PRTG: variants seen among roughly 807,000 people sequenced by gnomAD.
PRTG encodes the protein protogenin.
PRTG carries 67 observed loss-of-function variants against 122.5 expected under a neutral mutation model. That is an observed-to-expected ratio of 0.55 (90% confidence interval 0.45 to 0.67). PRTG has a LOEUF of 0.67. Among genes scored for constraint, PRTG ranks in the 30% least tolerant of loss-of-function variants. The pLI is 0.00. For synonymous variants in PRTG, 554 were observed against 501.1 expected (o/e 1.11, Z -1.41); for missense variants, 1,435 against 1,415.4 (o/e 1.01, Z -0.22).
intron 11 of PRTG, among the ~76,000 whole-genome samples, chr15:55,646,575 T>C (rs1296601921): frequency 6.7e-6 from 1 of 150,074 alleles, no homozygotes; most frequent in Non-Finnish European, 1.5e-5. Context: ...ACCCGCCTCG[T>C]CCTCCCAAAG....
chr15:55,640,480 C>T (rs1241171917), intron 12 of PRTG, among the ~76,000 whole-genome samples: 1 of 152,146 alleles, frequency 6.6e-6, no homozygotes, highest in Admixed American at 6.6e-5. Context: ...GCCAAAGACA[C>T]TGAGAAAACC....
At chr15:55,742,196 C>G (rs1383365876) in intron 1 of PRTG, 3 of 152,404 alleles carry the variant, frequency 2.0e-5, no homozygotes, top group South Asian at 2.1e-4. Flanking sequence ...ACTTTTCCCC[C>G]CTCCTTTCCG....
At chr15:55,734,852 T>C (rs1232406945) in intron 2 of PRTG, among the ~76,000 whole-genome samples, 3 of 152,168 alleles carry the variant, frequency 2.0e-5, no homozygotes, top group African/African-American at 7.2e-5. Context: ...TACATATCCT[T>C]ACAGCAGTTC....
intron 11 of PRTG, among the ~76,000 whole-genome samples, chr15:55,661,670 C>A (rs760578056): frequency 3.3e-5 from 5 of 152,300 alleles, no homozygotes; most frequent in Non-Finnish European, 5.9e-5. Context: ...CTCTTCTCCA[C>A]ATGAACTGCT....
chr15:55,684,773 C>A (rs1341597356), intron 2 of PRTG, among the ~76,000 whole-genome samples: 1 of 152,098 alleles, frequency 6.6e-6, no homozygotes, highest in Non-Finnish European at 1.5e-5. Context: ...AGACATATCA[C>A]TCTATCTGGA....
intron 11 of PRTG, among the ~76,000 whole-genome samples, chr15:55,646,273 A>G (rs559375324): frequency 6.7e-6 from 1 of 149,900 alleles, no homozygotes; most frequent in South Asian, 2.1e-4. Flanking sequence ...TGGCCTCCCA[A>G]AGTGCCCGGA....
intron 15 of PRTG, among the ~76,000 whole-genome samples, chr15:55,630,272 C>T (rs1388055123): frequency 1.3e-5 from 2 of 152,132 alleles, no homozygotes; most frequent in African/African-American, 4.8e-5. Flanking sequence ...AGGCATGAGC[C>T]ACCACGCCCG....
intron 2 of PRTG, among the ~76,000 whole-genome samples, chr15:55,722,620 T>C (rs539733719): frequency 5.2e-4 from 79 of 152,338 alleles, no homozygotes; most frequent in African/African-American, 1.7e-3. Context: ...TCGTCAAGAT[T>C]AGGCTTGTAG....
intron 2 of PRTG, among the ~76,000 whole-genome samples, chr15:55,739,630 T>C (rs1437078510): frequency 6.6e-6 from 1 of 152,180 alleles, no homozygotes; most frequent in African/African-American, 2.4e-5. Flanking sequence ...CATAAGGAGT[T>C]CAGTACTTGT....
At chr15:55,732,493 CTTTTT>C (rs35478271) in intron 2 of PRTG, among the ~76,000 whole-genome samples, 1 of 130,326 alleles carries the variant, frequency 7.7e-6, no homozygotes, top group African/African-American at 2.9e-5. Context: ...CCAGGGTAAA[CTTTTT>C]TTTTTTTTTT....
Position 55,740,632 on chromosome 15 carries a change from A to G in PRTG, c.147T>C (p.Thr49=), listed in dbSNP as rs901199356. ...LSFVKEPQDV[T]VTRKDPVVLD... ...AAACGACTGGGTCCTTTCTTGTGAC[A>G]GTTACATCCTGTGGTTCTTTTACAA... is the stretch of plus-strand genomic sequence containing the variant. Residue 49 remains threonine, a synonymous_variant, in exon 2 of 20, where the codon ACT becomes ACC. Coordinates refer to ENST00000389286, the MANE Select transcript of PRTG (RefSeq NM_173814.6). The G allele has an allele frequency of 1.2e-6, 2 of 1,614,036 alleles. No individual in the cohort carries two copies. The highest frequency in any genetic ancestry group is 8.5e-7 in the Non-Finnish European group (1 of 1,180,020).
intron 2 of PRTG, among the ~76,000 whole-genome samples, chr15:55,736,380 CT>C (rs68147473): frequency 6.9e-4 from 102 of 147,548 alleles, no homozygotes; most frequent in South Asian, 4.3e-3. Flanking sequence ...ACTTCCCCAT[CT>C]TTTTTTTTTT....
chr15:55,740,631 C>A lies in PRTG; in HGVS notation c.148G>T (p.Val50Phe), dbSNP rs772552811. The A allele has an allele frequency of 1.2e-6, 2 of 1,613,992 alleles. No individual in the cohort carries two copies. The highest frequency in any genetic ancestry group is 1.7e-6 in the Non-Finnish European group (2 of 1,180,016). Residue 50 changes from valine (V) to phenylalanine (F), a missense_variant, in exon 2 of 20, where the codon GTC (valine) becomes TTC (phenylalanine). Physicochemically the swap from Val to Phe is conservative, Grantham distance 50. Coordinates refer to ENST00000389286, the MANE Select transcript of PRTG (RefSeq NM_173814.6). ...SFVKEPQDVT[V>F]TRKDPVVLDC... The stretch of plus-strand genomic sequence containing the variant: ...AAAACGACTGGGTCCTTTCTTGTGA[C>A]AGTTACATCCTGTGGTTCTTTTACA...
At chr15:55,708,167 A>AAAAAAAAAAC (rs2030220067) in intron 2 of PRTG, among the ~76,000 whole-genome samples, 1 of 133,056 alleles carries the variant, frequency 7.5e-6, no homozygotes, top group Admixed American at 7.8e-5. Flanking sequence ...AAAAAAAAAA[A>AAAAAAAAAAC]AAAAAAAAAA....
intron 8 of PRTG, among the ~76,000 whole-genome samples, 194 bp downstream of exon 8, chr15:55,677,603 C>T (rs970153308): frequency 6.6e-6 from 1 of 152,066 alleles, no homozygotes; most frequent in Non-Finnish European, 1.5e-5. Context: ...TTAAACTATA[C>T]TTACATATAC....
At chr15:55,726,814 T>C (rs1169516832) in intron 2 of PRTG, among the ~76,000 whole-genome samples, 13 of 151,530 alleles carry the variant, frequency 8.6e-5, no homozygotes, top group African/African-American at 3.1e-4. Context: ...GAAAATACTT[T>C]GGAACAAATG....
Position 55,628,854 on chromosome 15 carries a change from C to T in PRTG, c.2774G>A (p.Arg925Lys). Residue 925 changes from arginine (R) to lysine (K), a missense_variant, in exon 16 of 20, where the codon AGG (arginine) becomes AAG (lysine). Coordinates refer to ENST00000389286, the MANE Select transcript of PRTG (RefSeq NM_173814.6). ...LPKETSESNQ[R>K]PKRLDSADAK... ...ATCAGCAGAATCTAAACGCTTGGGCCTCTGATTTGATTCAGAGGTTTCCTT... is the reference window on the plus strand; with the variant it reads ...ATCAGCAGAATCTAAACGCTTGGGCTTCTGATTTGATTCAGAGGTTTCCTT... 1 of 1,613,880 alleles carries T rather than the reference C, an allele frequency of 6.2e-7. No homozygotes were observed. Among genetic ancestry groups the T allele is most frequent in the Non-Finnish European group, 8.5e-7 (1 of 1,179,854 alleles).
At chr15:55,722,854 G>A (rs557687977) in intron 2 of PRTG, among the ~76,000 whole-genome samples, 1 of 152,166 alleles carries the variant, frequency 6.6e-6, no homozygotes, top group Non-Finnish European at 1.5e-5. Context: ...GGAATTAAGA[G>A]CCTCCAGGAA....
intron 2 of PRTG, among the ~76,000 whole-genome samples, chr15:55,718,622 A>C (rs1282886316): frequency 3.2e-5 from 4 of 125,750 alleles, no homozygotes; most frequent in African/African-American, 1.0e-4. Context: ...GCTCACAAAA[A>C]ACAAACAAAA....
Sources: allele counts gnomAD v4.1 joint callset (sites outside exome capture counted in the v4.1 genomes callset), GRCh38; gene constraint gnomAD v4.1.1; transcripts MANE v1.5; gene names NCBI Gene and HGNC (gene_info 2026-07-23, HGNC 2026-07-21).